Variants in PKHD1L1 observed in about 807,000 individuals in gnomAD.
The protein encoded by PKHD1L1 is PKHD1 like 1.
Under a neutral mutation model 462.9 loss-of-function variants are expected in PKHD1L1, and 434 were observed. The ratio of observed to expected loss-of-function variants is 0.94; its 90% CI spans 0.87 to 1.02. PKHD1L1 has a LOEUF of 1.02. Among genes scored for constraint, PKHD1L1 ranks in the 50% least tolerant of loss-of-function variants. PKHD1L1 has a pLI of 0.00. For synonymous variants in PKHD1L1, 1,781 were observed against 1,750.0 expected (o/e 1.02, Z -0.44); for missense variants, 5,202 against 5,096.1 (o/e 1.02, Z -0.63).
rs772336322 is a variant in PKHD1L1, at chr8:109,522,219, C to T, written c.12065C>T (p.Ala4022Val). 41 of 1,604,538 alleles carry T rather than the reference C, an allele frequency of 2.6e-5. No individual in the cohort carries two copies. The highest frequency in any genetic ancestry group is 3.5e-5 in the Non-Finnish European group (41 of 1,172,568). ...QMQLSELQEI[A>V]GSLGQAVILG... The stretch of plus-strand genomic sequence containing the variant: ...CAGTTATCTGAACTCCAGGAAATTG[C>T]TGGTTCTCTTGGACAAGCTGTAATT... Residue 4022 changes from alanine (A) to valine (V), a missense_variant, in exon 74 of 78, where the codon GCT (alanine) becomes GTT (valine). Ala to Val is a moderately conservative substitution (Grantham distance 64). Coordinates refer to ENST00000378402, the MANE Select transcript of PKHD1L1 (RefSeq NM_177531.6).
intron 57 of PKHD1L1, among the ~76,000 whole-genome samples, chr8:109,483,933 TC>T (rs941728854): frequency 6.6e-6 from 1 of 151,614 alleles, no homozygotes; most frequent in Non-Finnish European, 1.5e-5. Flanking sequence ...AGCCATAGAG[TC>T]CACAGGTTTT....
chr8:109,416,970 G>A (rs989161240), intron 21 of PKHD1L1, among the ~76,000 whole-genome samples: 2 of 152,032 alleles, frequency 1.3e-5, no homozygotes, highest in Admixed American at 1.3e-4. Flanking sequence ...ACAGGATTTT[G>A]GAACATTTTA....
chr8:109,520,760 A>C (rs1209501426), intron 73 of PKHD1L1, among the ~76,000 whole-genome samples: 1 of 132,442 alleles, frequency 7.6e-6, no homozygotes, highest in Non-Finnish European at 1.6e-5. Context: ...CCTATGTATT[A>C]AAGGCATTTA....
Position 109,531,678 on chromosome 8 carries a change from A to T in PKHD1L1, c.*1588A>T, listed in dbSNP as rs1411517489. On this transcript the variant is annotated 3_prime_UTR_variant, in exon 78 of 78. Coordinates refer to ENST00000378402, the MANE Select transcript of PKHD1L1 (RefSeq NM_177531.6). ...TGGAAATAGTCACAATTTTAAGGGA[A>T]TTGCAGGTAAGAGGTCCCTGACAAG... Among the ~76,000 whole-genome samples the T allele has an allele frequency of 3.3e-5, 5 of 152,200 alleles. No homozygotes were observed. Among genetic ancestry groups the T allele is most frequent in the African/African-American group, 9.7e-5 (4 of 41,448 alleles).
intron 9 of PKHD1L1, among the ~76,000 whole-genome samples, chr8:109,393,090 C>T (rs1433802407): frequency 1.3e-5 from 2 of 152,056 alleles, no homozygotes; most frequent in South Asian, 2.1e-4. Flanking sequence ...GACACAGTAT[C>T]GCTGGAGCTA....
intron 50 of PKHD1L1, among the ~76,000 whole-genome samples, chr8:109,474,450 T>C (rs1246092486): frequency 6.6e-6 from 1 of 152,174 alleles, no homozygotes; most frequent in Admixed American, 6.5e-5. Flanking sequence ...CTGTAACAGG[T>C]AGTTCAGGTT....
In PKHD1L1 at chr8:109,522,892, T is replaced by A. The variant is rs769522966; in HGVS notation, c.12330+2T>A. 21 of 1,594,216 alleles carry A rather than the reference T, an allele frequency of 1.3e-5. No homozygotes were observed. Among genetic ancestry groups the A allele is most frequent in the Admixed American group, 1.8e-5 (1 of 55,264 alleles). The stretch of plus-strand genomic sequence containing the variant: ...TCGGTAAAGGCAACAGATTCTGACG[T>A]AAGTCATAACTCAAAATTTTACTTA... On this transcript the variant is annotated splice_donor_variant, in intron 75 of 77. Transcript: ENST00000378402. LOFTEE classifies it high-confidence loss of function.
chr8:109,475,051 T>G (rs570388760), intron 50 of PKHD1L1, 67 bp from the exon 51 acceptor site: 1 of 1,418,524 alleles, frequency 7.0e-7, no homozygotes, highest in Admixed American at 2.4e-5. Flanking sequence ...TTGCACTTGT[T>G]TACAAAAGGA....
chr8:109,443,797 T>C lies in PKHD1L1; in HGVS notation c.4686T>C (p.Ser1562=). The part of the protein sequence containing the change: ...NSKRLLFEVS[S]CFSPSISNIT... ...AAAGATTGCTATTTGAGGTTTCAAG[T>C]TGTTTTTCACCATCTATAAGCAACA... is the stretch of plus-strand genomic sequence containing the variant. Residue 1562 remains serine, a synonymous_variant, in exon 37 of 78, where the codon AGT becomes AGC. Coordinates refer to ENST00000378402, the MANE Select transcript of PKHD1L1 (RefSeq NM_177531.6). 6.2e-7 allele frequency: 1 copy of C among 1,613,870 alleles called. No individual in the cohort carries two copies. Among genetic ancestry groups the C allele is most frequent in the South Asian group, 1.1e-5 (1 of 91,076 alleles).
At position 109,526,777 on chromosome 8, in the gene PKHD1L1, T is replaced by C. The variant is rs1186690977; in HGVS notation, c.12485-7T>C. The C allele has an allele frequency of 1.9e-6, 3 of 1,544,660 alleles. No individual in the cohort carries two copies. The highest frequency in any genetic ancestry group is 2.6e-6 in the Non-Finnish European group (3 of 1,142,504). On this transcript the variant is annotated splice_region_variant and splice_polypyrimidine_tract_variant and intron_variant, in intron 76 of 77. Coordinates refer to ENST00000378402, the MANE Select transcript of PKHD1L1 (RefSeq NM_177531.6). ...AAATCAAACACTATGATGCTTTTTT[T>C]TTCCAGGAAAAAATTATAAGATTGA...
Position 109,452,257 on chromosome 8 carries a change from A to C in PKHD1L1, c.6484A>C (p.Arg2162=). 2 of 1,606,830 alleles carry C rather than the reference A, an allele frequency of 1.2e-6. No individual in the cohort carries two copies. Among genetic ancestry groups the C allele is most frequent in the Non-Finnish European group, 1.7e-6 (2 of 1,175,746 alleles). ...GTGGGCTCCAGTTTGTGTCCACATC[A>C]GAGGTGTCGGCATGGCCAAACTGGT... ...SGWAPVCVHI[R]GVGMAKLDNA... The change falls in exon 42 of 78, where the codon AGA becomes CGA. Residue 2162 remains arginine (R), a synonymous_variant. Coordinates refer to ENST00000378402, the MANE Select transcript of PKHD1L1 (RefSeq NM_177531.6).
rs1354387622 is a variant in PKHD1L1, at chr8:109,456,278, G to C, written c.6891G>C (p.Val2297=). Residue 2297 remains valine (V), a synonymous_variant, in exon 46 of 78, where the codon GTG becomes GTC. Transcript: ENST00000378402. ...ILDLHGVPVP[V]TWTRLAHTAK... ...TGGTTCTAGGTGTGCCTGTTCCTGT[G>C]ACCTGGACTCGCTTGGCTCATACTG... 4.3e-6 allele frequency: 7 copies of C among 1,612,768 alleles called. No homozygotes were observed. The highest frequency in any genetic ancestry group is 5.9e-6 in the Non-Finnish European group (7 of 1,179,316).
intron 76 of PKHD1L1, 110 bp downstream of exon 76, chr8:109,523,496 C>A: frequency 9.5e-7 from 1 of 1,050,596 alleles, no homozygotes. Context: ...AAATTATAGA[C>A]ATCAGAATGC....
At chr8:109,495,878 A>G (rs561997530) in intron 63 of PKHD1L1, among the ~76,000 whole-genome samples, 50 of 152,220 alleles carry the variant, frequency 3.3e-4, no homozygotes, top group African/African-American at 1.1e-3. Context: ...GGGAGTTATT[A>G]AGGTTATTGA....
intron 41 of PKHD1L1, 95 bp from the exon 42 acceptor site, chr8:109,452,029 T>C (rs978111723): frequency 8.7e-7 from 1 of 1,144,574 alleles, no homozygotes; most frequent in African/African-American, 1.6e-5. Context: ...AGGTCATTTT[T>C]TTTTTGCAAT....
intron 68 of PKHD1L1, among the ~76,000 whole-genome samples, chr8:109,506,424 A>C (rs1172221591): frequency 1.3e-5 from 2 of 152,210 alleles, no homozygotes; most frequent in Non-Finnish European, 2.9e-5. Flanking sequence ...TGTGCGGTTC[A>C]TATGCCAGAG....
chr8:109,461,904 T>C lies in PKHD1L1; in HGVS notation c.7379T>C (p.Val2460Ala), dbSNP rs1304283306. ...ANMVTGRIEY[V>A]EVFHAGQAFR... ...ATGGTAACTGGGAGAATAGAATATG[T>C]AGAGGTGAGAGGCATTATTACTAAA... is the stretch of plus-strand genomic sequence containing the variant. Residue 2460 changes from valine to alanine, a missense_variant, in exon 48 of 78, where the codon GTA becomes GCA. Physicochemically the swap from Val to Ala is moderately conservative, Grantham distance 64. This residue lies in a region of PKHD1L1 where 4,497 missense variants were observed against 4,336.8 expected (regional missense o/e 1.04). Transcript: ENST00000378402. The C allele has an allele frequency of 6.3e-6, 10 of 1,598,378 alleles. No individual in the cohort carries two copies. The highest frequency in any genetic ancestry group is 1.1e-5 in the South Asian group (1 of 88,104).
At position 109,479,614 on chromosome 8, in the gene PKHD1L1, A is replaced by G. The variant is rs1166937009; in HGVS notation, c.9153A>G (p.Pro3051=). ...SRENNYTVPH[P]GANVIIPEGT... is the part of the protein sequence containing the mutation. ...AAAATAATTATACTGTACCTCACCC[A>G]GGGGCAAATGTGATTATACCTGAAG... Residue 3051 remains proline (P), a synonymous_variant, in exon 54 of 78, where the codon CCA becomes CCG. Transcript: ENST00000378402. The G allele has an allele frequency of 1.3e-6, 2 of 1,523,900 alleles. No individual in the cohort carries two copies. Among genetic ancestry groups the G allele is most frequent in the Non-Finnish European group, 1.8e-6 (2 of 1,108,064 alleles). 94.4% of individuals were successfully genotyped at this position (1,523,900 alleles called of 1,614,324 possible). A position where few individuals can be genotyped will look rare whatever the true frequency, so the allele number is the denominator to read the frequency against.
chr8:109,440,831 G>A lies in PKHD1L1; in HGVS notation c.4078G>A (p.Ala1360Thr), dbSNP rs750121135. The change falls in exon 33 of 78, where the codon GCT (alanine) becomes ACT (threonine). Residue 1360 changes from alanine (A) to threonine (T), a missense_variant. Around this residue, in one of 3 missense-constraint regions of PKHD1L1, gnomAD observed 4,497 missense variants for 4,336.8 expected, o/e 1.04. Coordinates refer to ENST00000378402, the MANE Select transcript of PKHD1L1 (RefSeq NM_177531.6). ...IRGFGFSTIPAENTVLLGSIP... is the reference protein window; with the variant it reads ...IRGFGFSTIPTENTVLLGSIP... The stretch of plus-strand genomic sequence containing the variant: ...GGGTTTTGGATTCAGCACAATACCA[G>A]CTGAGAATACCGTGCTGTTAGGTAA... 11 of 1,612,666 alleles carry A rather than the reference G, an allele frequency of 6.8e-6. No individual in the cohort carries two copies. The highest frequency in any genetic ancestry group is 8.5e-6 in the Non-Finnish European group (10 of 1,179,086).
Sources: allele counts gnomAD v4.1 joint callset (sites outside exome capture counted in the v4.1 genomes callset), GRCh38; gene constraint gnomAD v4.1.1; regional missense constraint gnomAD v4.1.1; transcripts MANE v1.5; gene names NCBI Gene and HGNC (gene_info 2026-07-23, HGNC 2026-07-21).